The following HAUS5 variants were observed in gnomAD, a reference collection of about 807,000 sequenced individuals.
The protein encoded by HAUS5 is HAUS augmin like complex subunit 5, also known as HAUS augmin-like complex subunit 5.
HAUS5 carries 67 observed loss-of-function variants against 94.1 expected under a neutral mutation model. The observed-to-expected ratio is 0.71, with a 90% CI of 0.58 to 0.87. The LOEUF (loss-of-function observed/expected upper bound fraction) is 0.87, where lower values mean the gene tolerates loss of function less well. Among genes scored for constraint, HAUS5 ranks in the 40% least tolerant of loss-of-function variants. The pLI is 0.00. For missense variants in HAUS5, 739 were observed against 825.6 expected (o/e 0.90, Z 1.29); for synonymous variants, 339 against 355.4 (o/e 0.95, Z 0.52).
chr19:35,616,760 C>T (rs1321856784), intron 6 of HAUS5, among the ~76,000 whole-genome samples: 1 of 152,198 alleles, frequency 6.6e-6, no homozygotes. Flanking sequence ...TCAAGTGATC[C>T]ACCTACCTCA....
chr19:35,616,177 G>A (rs2071941304), intron 6 of HAUS5, among the ~76,000 whole-genome samples: 1 of 152,054 alleles, frequency 6.6e-6, no homozygotes, highest in Non-Finnish European at 1.5e-5. Context: ...AATTAGTCGA[G>A]TGTGGTGGCA....
At chr19:35,616,294 G>A (rs968457616) in intron 6 of HAUS5, among the ~76,000 whole-genome samples, 1 of 151,492 alleles carries the variant, frequency 6.6e-6, no homozygotes, top group Non-Finnish European at 1.5e-5. Context: ...CTCCAGCCTG[G>A]GTGACAAGAG....
rs200486103 is a variant in HAUS5, at chr19:35,617,905, C to T, written c.689C>T (p.Ser230Leu). The change falls in exon 9 of 19, where the codon TCA becomes TTA. Residue 230 changes from serine to leucine, a missense_variant. Transcript: ENST00000203166. ...FGTSYQQWLS[S>L]VETLLTNHPP... is the part of the protein sequence containing the mutation. ...ACTTCGTACCAGCAGTGGCTGAGCT[C>T]AGTGGAGGTGAGAGGGCAGGGCTCT... 6.2e-7 allele frequency: 1 copy of T among 1,613,974 alleles called. No individual in the cohort carries two copies. The highest frequency in any genetic ancestry group is 8.5e-7 in the Non-Finnish European group (1 of 1,179,878).
At chr19:35,619,584 G>GGGGC in intron 14 of HAUS5, 29 bp from the exon 15 acceptor site, 29 of 1,533,722 alleles carry the variant, frequency 1.9e-5, no homozygotes, top group Non-Finnish European at 2.4e-5. Context: ...ATGTTGTGAT[G>GGGGC]CCCCACCCAC....
chr19:35,620,031 G>T lies in HAUS5; in HGVS notation c.1426G>T (p.Val476Phe). ...CCGTAGGTTGAAGCCCCTGCCCACG[G>T]TCCTCCCATCCATCCACCAGCTGCA... ...RPGELKPLPT[V>F]LPSIHQLHPA... The change falls in exon 16 of 19, where the codon GTC (valine) becomes TTC (phenylalanine). Residue 476 changes from valine (V) to phenylalanine (F), a missense_variant. Physicochemically the swap from Val to Phe is conservative, Grantham distance 50. Coordinates refer to ENST00000203166, the MANE Select transcript of HAUS5 (RefSeq NM_015302.2). The T allele has an allele frequency of 6.2e-7, 1 of 1,613,020 alleles. No homozygotes were observed. Among genetic ancestry groups the T allele is most frequent in the Non-Finnish European group, 8.5e-7 (1 of 1,179,608 alleles).
chr19:35,615,025 G>GA lies in HAUS5; in HGVS notation c.220-15dup. 6.4e-7 allele frequency: 1 copy of GA among 1,562,628 alleles called. No individual in the cohort carries two copies. The highest frequency in any genetic ancestry group is 8.7e-7 in the Non-Finnish European group (1 of 1,151,232). On this transcript the variant is annotated splice_polypyrimidine_tract_variant and intron_variant, in intron 4 of 18. Coordinates refer to ENST00000203166, the MANE Select transcript of HAUS5 (RefSeq NM_015302.2). The stretch of plus-strand genomic sequence containing the variant: ...AGCCCCGATCAGACCATCTGACCCT[G>GA]AATCTGATCCTCCCAGGTCCGTCGG...
At position 35,618,916 on chromosome 19, in the gene HAUS5, G is replaced by T; in HGVS notation, c.1046G>T (p.Cys349Phe). 6.2e-7 allele frequency: 1 copy of T among 1,611,746 alleles called. No homozygotes were observed. Among genetic ancestry groups the T allele is most frequent in the Non-Finnish European group, 8.5e-7 (1 of 1,179,000 alleles). ...RQVLILGLRR[C>F]CLWTELKALH... ...GTGCTGATACTGGGGCTTCGGCGCT[G>T]TTGCCTGTGGACGGAGCTCAAGGCC... is the stretch of plus-strand genomic sequence containing the variant. Residue 349 changes from cysteine (C) to phenylalanine (F), a missense_variant, in exon 13 of 19, where the codon TGT becomes TTT. Physicochemically the swap from Cys to Phe is radical, Grantham distance 205. Transcript: ENST00000203166.
chr19:35,617,459 C>T (rs1353595545), intron 8 of HAUS5, 90 bp downstream of exon 8: 1 of 828,976 alleles, frequency 1.2e-6, no homozygotes, highest in African/African-American at 1.7e-5. Flanking sequence ...CACTGAGCTT[C>T]TGGGCTACGT....
chr19:35,620,162 G>C lies in HAUS5; in HGVS notation c.1519-33G>C, dbSNP rs776528142. On this transcript the variant is annotated intron_variant, in intron 16 of 18. Transcript: ENST00000203166. ...TCCTGTGACTTGTCTCCCCAGCCCC[G>C]CCCCAGGTGACCGTCCTTCCCTCCT... 9 of 1,610,872 alleles carry C rather than the reference G, an allele frequency of 5.6e-6. No individual in the cohort carries two copies. In the East Asian group the frequency reaches 2.0e-4, roughly 36 times the overall value.
At position 35,615,159 on chromosome 19, in the gene HAUS5, G is replaced by A. The variant is rs750527971; in HGVS notation, c.325+12G>A. On this transcript the variant is annotated intron_variant, in intron 5 of 18. Transcript: ENST00000203166. ...CACTGAGGCTCAGGGTGAGCCATGG[G>A]GCCAGAAGATGGGCACCAGAATGTG... 51 of 1,610,856 alleles carry A rather than the reference G, an allele frequency of 3.2e-5. 2 individuals are homozygous for A. The South Asian group carries it at 5.4e-4, about 17-fold the overall frequency.
intron 4 of HAUS5, 76 bp downstream of exon 4, chr19:35,614,135 GTGCTGGGTGA>G (rs755778526): frequency 7.5e-7 from 1 of 1,339,738 alleles, no homozygotes; most frequent in South Asian, 1.2e-5. Flanking sequence ...GCCCAACCAG[GTGCTGGGTGA>G]TGCTGGGGAC....
chr19:35,623,000 G>C lies in HAUS5; in HGVS notation c.*7G>C, dbSNP rs1210518369. The C allele has an allele frequency of 6.4e-7, 1 of 1,574,358 alleles. No individual in the cohort carries two copies. The highest frequency in any genetic ancestry group is 1.7e-5 in the Admixed American group (1 of 58,242). On this transcript the variant is annotated 3_prime_UTR_variant, in exon 19 of 19. Transcript: ENST00000203166. ...GCAGAAGCTGTGCAGCTGAAGAGAG[G>C]GTTCAAACGGAAGCCGAGAACTTGA...
rs767309300 is a variant in HAUS5, at chr19:35,617,811, G to T, written c.639-44G>T. ...TGGTGGTGATAACTAGAGGATAATTGACGTGTCTTGTAACGTTCTCTGTCC... is the reference window on the plus strand; with the variant it reads ...TGGTGGTGATAACTAGAGGATAATTTACGTGTCTTGTAACGTTCTCTGTCC... On this transcript the variant is annotated intron_variant, in intron 8 of 18. Transcript: ENST00000203166. 1.9e-6 allele frequency: 3 copies of T among 1,549,008 alleles called. No individual in the cohort carries two copies. In the Admixed American group the frequency reaches 5.0e-5, roughly 26 times the overall value.
rs1393957950 is a variant in HAUS5, at chr19:35,623,125, A to G, written c.*132A>G. On this transcript the variant is annotated 3_prime_UTR_variant, in exon 19 of 19. Transcript: ENST00000203166. ...CCCCACCCGCACCTGCAGTCCCCTCATGTGCTGTTCTGCTGCCCCACTCAG... is the reference window on the plus strand; with the variant it reads ...CCCCACCCGCACCTGCAGTCCCCTCGTGTGCTGTTCTGCTGCCCCACTCAG... 4.5e-6 allele frequency: 3 copies of G among 662,650 alleles called. No homozygotes were observed. The highest frequency in any genetic ancestry group is 2.7e-5 in the Admixed American group (1 of 37,596). The allele number at this position is 662,650 out of a possible 1,614,324, so 41.0% of individuals were successfully genotyped here. A position where few individuals can be genotyped will look rare whatever the true frequency, so the allele number is the denominator to read the frequency against.
chr19:35,616,892 A>G (rs1228770580), intron 6 of HAUS5, among the ~76,000 whole-genome samples: 1 of 152,180 alleles, frequency 6.6e-6, no homozygotes, highest in East Asian at 1.9e-4. Context: ...ATCTTCCTAC[A>G]GTTTTAACAG....
Position 35,618,172 on chromosome 19 carries a change from G to C in HAUS5, c.798G>C (p.Gly266=). 6.2e-7 allele frequency: 1 copy of C among 1,606,026 alleles called. No individual in the cohort carries two copies. The highest frequency in any genetic ancestry group is 8.5e-7 in the Non-Finnish European group (1 of 1,174,726). Residue 266 remains glycine, a synonymous_variant, in exon 10 of 19, where the codon GGG becomes GGC. Transcript: ENST00000203166. ...AEIRSLCSGD[G]LGDTEISRPQ... ...TTCGGTCCCTGTGCAGTGGGGATGGGCTTGGCGACACAGAGATATCCAGGT... is the reference window on the plus strand; with the variant it reads ...TTCGGTCCCTGTGCAGTGGGGATGGCCTTGGCGACACAGAGATATCCAGGT...
Position 35,623,906 on chromosome 19 carries a change from G to A in HAUS5, c.*913G>A, listed in dbSNP as rs1312135166. On this transcript the variant is annotated 3_prime_UTR_variant, in exon 19 of 19. Coordinates refer to ENST00000203166, the MANE Select transcript of HAUS5 (RefSeq NM_015302.2). ...TAAGGCCTGTGCATTTCACTGCGTG[G>A]GTTACTCAATTTATAAAGCAAAGCC... The A allele has an allele frequency of 6.6e-6, 1 of 152,022 alleles. No individual in the cohort carries two copies. The highest frequency in any genetic ancestry group is 2.4e-5 in the African/African-American group (1 of 41,364). 9.4% of individuals were successfully genotyped at this position (152,022 alleles called of 1,614,324 possible). A position where few individuals can be genotyped will look rare whatever the true frequency, so the allele number is the denominator to read the frequency against.
In HAUS5 at chr19:35,612,819, G is replaced by C; in HGVS notation, c.25G>C (p.Glu9Gln). ...CATGGAGCTAGCGCAGGAAGCGCGG[G>C]AACTGGGTTGCTGGGCGGTCGAAGA... MELAQEAR[E>Q]LGCWAVEEMG... Residue 9 changes from glutamate (E) to glutamine (Q), a missense_variant, in exon 1 of 19, where the codon GAA becomes CAA. Transcript: ENST00000203166. 2 of 1,548,070 alleles carry C rather than the reference G, an allele frequency of 1.3e-6. No individual in the cohort carries two copies. Among genetic ancestry groups the C allele is most frequent in the Non-Finnish European group, 1.7e-6 (2 of 1,145,832 alleles).
At chr19:35,619,080 G>A (rs751980579) in intron 13 of HAUS5, 31 bp downstream of exon 13, 1 of 1,530,424 alleles carries the variant, frequency 6.5e-7, no homozygotes, top group Non-Finnish European at 8.8e-7. Flanking sequence ...CCTTGTGGAG[G>A]GCCAGAGGGG....
Sources: allele counts gnomAD v4.1 joint callset (sites outside exome capture counted in the v4.1 genomes callset), GRCh38; gene constraint gnomAD v4.1.1; transcripts MANE v1.5; gene names NCBI Gene and HGNC (gene_info 2026-07-23, HGNC 2026-07-21).